Variants in ZCWPW2 observed in about 807,000 individuals in gnomAD.
The protein encoded by ZCWPW2 is zinc finger CW-type PWWP domain protein 2.
ZCWPW2 carries 45 observed loss-of-function variants against 46.6 expected under a neutral mutation model. That is an observed-to-expected ratio of 0.96 (90% CI 0.76 to 1.24). The LOEUF (loss-of-function observed/expected upper bound fraction) is 1.24. ZCWPW2 is among the 50% of genes most tolerant of loss of function. ZCWPW2 has a pLI of 0.00. For missense variants in ZCWPW2, 429 were observed against 403.9 expected, an observed-to-expected ratio of 1.06 and a Z score of -0.53; for synonymous variants, 152 against 137.1, an observed-to-expected ratio of 1.11 and a Z score of -0.76.
rs189858015 is a variant in ZCWPW2 at position 28,426,127 on chromosome 3, A to T, written c.333-8983A>T. Reference sequence around the variant, plus strand: ...TCTGTCACAAAAAAAAATTATATTTATATATATATATGTATATATAGCATT... The same window carrying T: ...TCTGTCACAAAAAAAAATTATATTTTTATATATATATGTATATATAGCATT... On this transcript the variant is annotated intron_variant, in intron 3 of 9. Coordinates refer to ENST00000383768, the MANE Select transcript of ZCWPW2 (RefSeq NM_001040432.4). Among the ~76,000 whole-genome samples the T allele has an allele frequency of 2.6e-3, 395 of 151,186 alleles. 3 individuals carry two copies. The highest frequency in any genetic ancestry group is 4.0e-3 in the Non-Finnish European group (274 of 67,720).
chr3:28,385,618 G>C (rs1021758317), intron 1 of ZCWPW2, among the ~76,000 whole-genome samples: 2 of 152,180 alleles, frequency 1.3e-5, no homozygotes, highest in East Asian at 3.9e-4. Flanking sequence ...CATGATAAGG[G>C]TTGAAGGTGA....
chr3:28,367,078 A>T (rs1016194717), intron 1 of ZCWPW2, among the ~76,000 whole-genome samples: 3 of 151,838 alleles, frequency 2.0e-5, no homozygotes, highest in South Asian at 2.1e-4. Flanking sequence ...AATTTTGTTG[A>T]TCTTTTTAAA....
intron 6 of ZCWPW2, among the ~76,000 whole-genome samples, chr3:28,513,512 A>G (rs1700482895): frequency 6.6e-6 from 1 of 152,152 alleles, no homozygotes; most frequent in Admixed American, 6.5e-5. Flanking sequence ...ATGGACAGAA[A>G]AAATCCTTGG....
Position 28,391,726 on chromosome 3 carries a change from A to G in ZCWPW2, c.-14+1109A>G, listed in dbSNP as rs148204043. The stretch of plus-strand genomic sequence containing the variant: ...CACAGAGGATACTGACAGCTTTCAC[A>G]ACTGAGGTAACCAATAACATTGCCA... On this transcript the variant is annotated intron_variant, in intron 2 of 9. Coordinates refer to ENST00000383768, the MANE Select transcript of ZCWPW2 (RefSeq NM_001040432.4). Among the ~76,000 whole-genome samples, 387 of 152,220 alleles carry G rather than the reference A, an allele frequency of 2.5e-3. 1 individual carries two copies. The highest frequency in any genetic ancestry group is 8.4e-3 in the African/African-American group (351 of 41,544).
chr3:28,430,599 G>A (rs543102783), intron 3 of ZCWPW2, among the ~76,000 whole-genome samples: 95 of 152,230 alleles, frequency 6.2e-4, no homozygotes, highest in Non-Finnish European at 8.8e-4. Context: ...TGAGGGGCCC[G>A]TGGCAGAATG....
At chr3:28,362,584 C>T (rs558794583) in intron 1 of ZCWPW2, among the ~76,000 whole-genome samples, 4 of 152,042 alleles carry the variant, frequency 2.6e-5, no homozygotes, top group Non-Finnish European at 4.4e-5. Context: ...CAGATGCTGG[C>T]GAGGTTGTGG....
intron 4 of ZCWPW2, among the ~76,000 whole-genome samples, chr3:28,438,231 T>C (rs561274782): frequency 1.2e-4 from 18 of 152,322 alleles, no homozygotes; most frequent in Non-Finnish European, 2.2e-4. Context: ...GCTACTGTTA[T>C]TGTAATCTCC....
chr3:28,373,009 A>ATATC (rs1452451688), intron 1 of ZCWPW2, among the ~76,000 whole-genome samples: 4 of 152,162 alleles, frequency 2.6e-5, no homozygotes, highest in Middle Eastern at 3.4e-3. Context: ...ATCCATATCT[A>ATATC]TATCTATCTA....
In ZCWPW2 at chr3:28,478,894, G is replaced by T. The variant is rs1699330054; in HGVS notation, c.573G>T (p.Glu191Asp). The change falls in exon 5 of 10, where the codon GAG (glutamate) becomes GAT (aspartate). Residue 191 changes from glutamate to aspartate, a missense_variant. Glu to Asp is a conservative substitution (Grantham distance 45, BLOSUM62 2). Transcript: ENST00000383768. ...GTCTACTCTATGGATATTCTCATGA[G>T]CAAAGACTGGAAATGTGCTGCCTAT... ...EACLLYGYSH[E>D]QRLEMCCLSK... 7 of 1,587,286 alleles carry T rather than the reference G, an allele frequency of 4.4e-6. No homozygotes were observed. The South Asian group carries it at 8.2e-5, about 19-fold the overall frequency.
At chr3:28,488,732 A>G (rs1397517710) in intron 5 of ZCWPW2, among the ~76,000 whole-genome samples, 1 of 152,248 alleles carries the variant, frequency 6.6e-6, no homozygotes, top group South Asian at 2.1e-4. Flanking sequence ...ATATAGCTCA[A>G]AGGAGGAGTG....
intron 4 of ZCWPW2, among the ~76,000 whole-genome samples, chr3:28,453,846 A>T (rs904029224): frequency 1.7e-4 from 25 of 144,040 alleles, no homozygotes; most frequent in Admixed American, 1.4e-4. Context: ...TATTTTTTTT[A>T]TTATTATTTT....
chr3:28,413,648 G>A (rs1407156090), intron 3 of ZCWPW2, among the ~76,000 whole-genome samples: 1 of 151,870 alleles, frequency 6.6e-6, no homozygotes, highest in Admixed American at 6.6e-5. Flanking sequence ...AAGTAGTGTT[G>A]TAGCTTCCTC....
At chr3:28,516,255 C>CAATA (rs56931163) in intron 8 of ZCWPW2, among the ~76,000 whole-genome samples, 10,734 of 140,088 alleles carry the variant, frequency 0.077, 442 homozygotes, top group African/African-American at 0.091. Flanking sequence ...GATTCCCTCT[C>CAATA]AATAAATAAA....
intron 6 of ZCWPW2, among the ~76,000 whole-genome samples, chr3:28,500,057 T>A (rs1335088662): frequency 6.6e-6 from 1 of 152,098 alleles, no homozygotes; most frequent in African/African-American, 2.4e-5. Context: ...GTAACACTGA[T>A]GAAAAGCTTT....
At chr3:28,356,553 A>G (rs1345449673) in intron 1 of ZCWPW2, among the ~76,000 whole-genome samples, 1 of 152,240 alleles carries the variant, frequency 6.6e-6, no homozygotes, top group African/African-American at 2.4e-5. Flanking sequence ...ACACATGCAC[A>G]CATATGTTTG....
intron 6 of ZCWPW2, among the ~76,000 whole-genome samples, chr3:28,492,759 A>G (rs1386602411): frequency 6.6e-6 from 1 of 152,150 alleles, no homozygotes; most frequent in Non-Finnish European, 1.5e-5. Flanking sequence ...CATTCTCCTC[A>G]AGAGATGATG....
intron 1 of ZCWPW2, among the ~76,000 whole-genome samples, chr3:28,364,791 A>G (rs185026060): frequency 4.1e-4 from 63 of 152,238 alleles, no homozygotes; most frequent in Non-Finnish European, 7.9e-4. Context: ...CTAACAGTGT[A>G]AAAGTGTTCC....
intron 2 of ZCWPW2, among the ~76,000 whole-genome samples, chr3:28,406,831 T>C (rs1696182264): frequency 6.7e-6 from 1 of 149,178 alleles, no homozygotes. Flanking sequence ...TTTTTCTTTT[T>C]TTTTTTTTTT....
At chr3:28,479,393 C>G (rs2125804984) in intron 5 of ZCWPW2, among the ~76,000 whole-genome samples, 1 of 151,982 alleles carries the variant, frequency 6.6e-6, no homozygotes, top group African/African-American at 2.4e-5. Context: ...TAAAAAAAAA[C>G]TAGGTGAAAA....
Sources: allele counts gnomAD v4.1 joint callset (sites outside exome capture counted in the v4.1 genomes callset), GRCh38; gene constraint gnomAD v4.1.1; transcripts MANE v1.5; gene names NCBI Gene and HGNC (gene_info 2026-07-23, HGNC 2026-07-21).